The following CDH4 variants were observed in gnomAD, a reference collection of about 807,000 sequenced individuals.
The protein encoded by CDH4 is cadherin 4, also known as cadherin-4.
In CDH4, 33 loss-of-function variants were observed where a neutral mutation model predicts 86.0. That is an observed-to-expected ratio of 0.38 (90% confidence interval 0.29 to 0.51). The LOEUF is 0.51. CDH4 is among the 20% of genes least tolerant of loss of function. CDH4 has a pLI of 0.86. For missense variants in CDH4, 1,114 were observed against 1,307.4 expected (o/e 0.85, Z 2.28); for synonymous variants, 555 against 549.4 (o/e 1.01, Z -0.14).
chr20:61,830,658 ACTTGGTCCCC>A (rs1176491945), intron 4 of CDH4, among the ~76,000 whole-genome samples: 1 of 152,174 alleles, frequency 6.6e-6, no homozygotes, highest in Admixed American at 6.5e-5. Flanking sequence ...ACTGAAATGA[ACTTGGTCCCC>A]CTTCCTCACC....
chr20:61,282,310 G>C (rs1490012547), intron 2 of CDH4, among the ~76,000 whole-genome samples: 1 of 152,200 alleles, frequency 6.6e-6, no homozygotes, highest in Non-Finnish European at 1.5e-5. Flanking sequence ...AGTGAGCCAA[G>C]ATTGCGCCAC....
At chr20:61,935,758 G>A (rs1674389922) in intron 15 of CDH4, among the ~76,000 whole-genome samples, 2 of 152,182 alleles carry the variant, frequency 1.3e-5, no homozygotes, top group South Asian at 2.1e-4. Context: ...ATGGTGGCGG[G>A]CACCTGTAAT....
chr20:61,742,988 G>T (rs2088362733), intron 2 of CDH4, among the ~76,000 whole-genome samples: 1 of 152,160 alleles, frequency 6.6e-6, no homozygotes, highest in South Asian at 2.1e-4. Context: ...CCATTTGCAG[G>T]CATCAGGTCT....
intron 5 of CDH4, among the ~76,000 whole-genome samples, chr20:61,851,183 C>T (rs975714838): frequency 3.3e-5 from 5 of 152,220 alleles, no homozygotes; most frequent in African/African-American, 1.2e-4. Flanking sequence ...GCTGACCTGG[C>T]GTGCGTGCAG....
At chr20:61,604,105 T>G (rs2086624278) in intron 2 of CDH4, among the ~76,000 whole-genome samples, 1 of 152,212 alleles carries the variant, frequency 6.6e-6, no homozygotes, top group Non-Finnish European at 1.5e-5. Context: ...GGGTGTTGTT[T>G]AGATGCTGTT....
In CDH4 at chr20:61,665,898, C is replaced by T. The variant is rs766847126; in HGVS notation, c.170-77665C>T. Among the ~76,000 whole-genome samples the T allele has an allele frequency of 2.8e-4, 43 of 152,286 alleles. 1 individual carries two copies. Among genetic ancestry groups the T allele is most frequent in the Admixed American group, 9.1e-4 (14 of 15,302 alleles). ...TGGCTGTCAGGAAGCCCAGGAAAAT[C>T]GCAGCGGTGGGACCGAGGGGCACCT... On this transcript the variant is annotated intron_variant, in intron 2 of 15. Coordinates refer to ENST00000614565, the MANE Select transcript of CDH4 (RefSeq NM_001794.5).
intron 6 of CDH4, among the ~76,000 whole-genome samples, chr20:61,867,998 G>C (rs1217785534): frequency 6.6e-6 from 1 of 152,250 alleles, no homozygotes; most frequent in African/African-American, 2.4e-5. Context: ...ATTGTTGCTT[G>C]CATCAGATGT....
chr20:61,682,250 A>T (rs1240593032), intron 2 of CDH4, among the ~76,000 whole-genome samples: 5 of 151,182 alleles, frequency 3.3e-5, no homozygotes, highest in Non-Finnish European at 7.4e-5. Context: ...GGACAAGTGG[A>T]CGGATGGATA....
At chr20:61,348,459 C>G (rs1266431628) in intron 2 of CDH4, among the ~76,000 whole-genome samples, 1 of 152,134 alleles carries the variant, frequency 6.6e-6, no homozygotes, top group South Asian at 2.1e-4. Flanking sequence ...CAGACCATAT[C>G]AATAGGAGAC....
intron 2 of CDH4, among the ~76,000 whole-genome samples, chr20:61,433,640 GA>G (rs2085262328): frequency 6.6e-6 from 1 of 152,194 alleles, no homozygotes; most frequent in South Asian, 2.1e-4. Context: ...GTGCACAAAA[GA>G]AAGTGAGAGC....
Position 61,928,378 on chromosome 20 carries a change from G to C in CDH4, c.1960G>C (p.Val654Leu). 1 of 1,611,908 alleles carries C rather than the reference G, an allele frequency of 6.2e-7. No homozygotes were observed. ...CCCCTACGTCTTCGAGCTGCCCTTT[G>C]TCCCGGCGGCCGTGCGGAAGAACTG... ...IGPYVFELPFVPAAVRKNWTI... is the reference protein window; with the variant it reads ...IGPYVFELPFLPAAVRKNWTI... The change falls in exon 12 of 16, where the codon GTC becomes CTC. Residue 654 changes from valine to leucine, a missense_variant. Val to Leu is a conservative substitution (Grantham distance 32). Coordinates refer to ENST00000614565, the MANE Select transcript of CDH4 (RefSeq NM_001794.5).
chr20:61,443,583 G>T (rs1317675032), intron 2 of CDH4, among the ~76,000 whole-genome samples: 1 of 152,228 alleles, frequency 6.6e-6, no homozygotes, highest in African/African-American at 2.4e-5. Context: ...GTCGGAACAC[G>T]ACAGCCCTTT....
Position 61,449,247 on chromosome 20 carries a change from G to C in CDH4, c.169+194310G>C, listed in dbSNP as rs181080790. 1.8e-3 allele frequency among the ~76,000 whole-genome samples: 267 copies of C among 152,350 alleles called. 9 individuals are homozygous for C. The East Asian group carries it at 0.048, about 28-fold the overall frequency. ...CAGCATGGTGCATTTATCTCCACGG[G>C]GGGGCCGAGGGACCTTGAAACCAAG... On this transcript the variant is annotated intron_variant, in intron 2 of 15. Transcript: ENST00000614565.
intron 4 of CDH4, among the ~76,000 whole-genome samples, chr20:61,816,955 T>C (rs902778818): frequency 6.6e-6 from 1 of 152,208 alleles, no homozygotes; most frequent in African/African-American, 2.4e-5. Flanking sequence ...GGCAGTGGCT[T>C]GGGGTAAAAG....
At chr20:61,858,941 T>C (rs1472315862) in intron 6 of CDH4, among the ~76,000 whole-genome samples, 6 of 152,152 alleles carry the variant, frequency 3.9e-5, no homozygotes, top group Non-Finnish European at 1.5e-5. Context: ...AATGCAATTG[T>C]GGGGTCATCT....
chr20:61,659,507 C>T (rs1341430449), intron 2 of CDH4, among the ~76,000 whole-genome samples: 3 of 152,122 alleles, frequency 2.0e-5, no homozygotes, highest in African/African-American at 4.8e-5. Context: ...TTCAAGTGAG[C>T]GAAGGGTCTC....
intron 2 of CDH4, among the ~76,000 whole-genome samples, chr20:61,710,489 C>T (rs555980653): frequency 6.6e-6 from 1 of 152,330 alleles, no homozygotes; most frequent in East Asian, 1.9e-4. Flanking sequence ...GCTTCAGATG[C>T]ACGTTCCCAC....
chr20:61,280,448 C>T (rs2084252622), intron 2 of CDH4, among the ~76,000 whole-genome samples: 1 of 152,168 alleles, frequency 6.6e-6, no homozygotes. Flanking sequence ...CAGCCCCTGC[C>T]TTGGAAGACG....
At chr20:61,569,384 T>C (rs1471470731) in intron 2 of CDH4, among the ~76,000 whole-genome samples, 1 of 152,222 alleles carries the variant, frequency 6.6e-6, no homozygotes, top group African/African-American at 2.4e-5. Flanking sequence ...GTCTCTGATT[T>C]TCTTCACTGA....
Sources: allele counts gnomAD v4.1 joint callset (sites outside exome capture counted in the v4.1 genomes callset), GRCh38; gene constraint gnomAD v4.1.1; transcripts MANE v1.5; gene names NCBI Gene and HGNC (gene_info 2026-07-23, HGNC 2026-07-21).